The following APOLD1 variants were observed in gnomAD, a reference collection of about 807,000 sequenced individuals.
The protein encoded by APOLD1 is apolipoprotein L domain containing 1.
A neutral mutation model predicts 15.3 loss-of-function variants in APOLD1; 22 were observed. That is an observed-to-expected ratio of 1.44 (90% CI 1.03 to 2.05). The LOEUF is 2.05. APOLD1 is among the 30% of genes most tolerant of loss of function. APOLD1 has a pLI of 0.00. For synonymous variants in APOLD1, 190 were observed against 167.4 expected, an observed-to-expected ratio of 1.13 and a Z score of -1.04; for missense variants, 394 against 353.5, an observed-to-expected ratio of 1.11 and a Z score of -0.92.
intron 1 of APOLD1, 81 bp downstream of exon 1, chr12:12,785,775 G>C: frequency 7.2e-7 from 1 of 1,397,052 alleles, no homozygotes; most frequent in South Asian, 1.2e-5. Flanking sequence ...ATCCCTGGTG[G>C]GTTGGATTAT....
At chr12:12,782,909 A>C (rs1321070900), upstream of APOLD1, among the ~76,000 whole-genome samples, 1 of 152,160 alleles carries the variant, frequency 6.6e-6, no homozygotes, top group African/African-American at 2.4e-5. Context: ...TACTATATGA[A>C]ATTAAACAAA....
At chr12:12,738,697 CTT>C (rs1165920047) in intron 1 of APOLD1, among the ~76,000 whole-genome samples, 1 of 151,998 alleles carries the variant, frequency 6.6e-6, no homozygotes, top group Non-Finnish European at 1.5e-5. Flanking sequence ...TTAATGAGTG[CTT>C]ATGAAGTATG....
At chr12:12,752,588 A>C (rs1565430382) in intron 1 of APOLD1, among the ~76,000 whole-genome samples, 1 of 152,116 alleles carries the variant, frequency 6.6e-6, no homozygotes, top group African/African-American at 2.4e-5. Flanking sequence ...GTAGCTCCCA[A>C]TTTCTATAAG....
intron 1 of APOLD1, among the ~76,000 whole-genome samples, chr12:12,728,749 ACT>A (rs900912609): frequency 1.3e-4 from 19 of 151,246 alleles, no homozygotes; most frequent in African/African-American, 4.4e-4. Context: ...GTTAGTTGTG[ACT>A]CTGCCAAAAA....
At chr12:12,746,331 A>G (rs1946764607) in intron 1 of APOLD1, among the ~76,000 whole-genome samples, 1 of 152,184 alleles carries the variant, frequency 6.6e-6, no homozygotes, top group Non-Finnish European at 1.5e-5. Flanking sequence ...CCCTGTCTCT[A>G]CATAAAATAC....
chr12:12,791,198 A>G lies in APOLD1; in HGVS notation c.*3546A>G, dbSNP rs1278632179. 1.3e-5 allele frequency: 2 copies of G among 152,214 alleles called. No homozygotes were observed. The highest frequency in any genetic ancestry group is 2.9e-5 in the Non-Finnish European group (2 of 68,042). 9.4% of individuals were successfully genotyped at this position (152,214 alleles called of 1,614,324 possible). ...CCCTCGGGCACCTGTCATTTCCAATATGGTAGGTGTCAAAGTCAAAAGTAT... is the reference window on the plus strand; with the variant it reads ...CCCTCGGGCACCTGTCATTTCCAATGTGGTAGGTGTCAAAGTCAAAAGTAT... On this transcript the variant is annotated 3_prime_UTR_variant, in exon 2 of 2. Coordinates refer to ENST00000356591, the MANE Select transcript of APOLD1 (RefSeq NM_030817.3).
chr12:12,754,581 T>A (rs1407181029), intron 1 of APOLD1, among the ~76,000 whole-genome samples: 1 of 151,984 alleles, frequency 6.6e-6, no homozygotes, highest in Non-Finnish European at 1.5e-5. Flanking sequence ...TCCAAGTAGC[T>A]GTGACTACCT....
intron 1 of APOLD1, among the ~76,000 whole-genome samples, chr12:12,754,875 T>TC (rs1443528861): frequency 1.0e-4 from 8 of 77,082 alleles, no homozygotes; most frequent in African/African-American, 5.6e-4. Flanking sequence ...CCTTTGTCTC[T>TC]CAAAAAAAAA....
rs941223936 is a variant in APOLD1, at chr12:12,770,192, G to C, written c.97-16717G>C. Among the ~76,000 whole-genome samples the C allele has an allele frequency of 2.0e-5, 3 of 152,098 alleles. No individual in the cohort carries two copies. In the South Asian group the frequency reaches 6.2e-4, roughly 31 times the overall value. On this transcript the variant is annotated intron_variant, in intron 1 of 1. Transcript: ENST00000326765. ...TGGGAGGCCGAGGCGGGCAGATCAC[G>C]AAGTCAGTTCAAGACCAGCCTGACA...
intron 1 of APOLD1, among the ~76,000 whole-genome samples, chr12:12,759,845 T>C (rs1946883661): frequency 6.6e-6 from 1 of 152,214 alleles, no homozygotes; most frequent in African/African-American, 2.4e-5. Context: ...TGGAGGAAGA[T>C]GCTAAATTTC....
chr12:12,735,334 AG>A (rs1232517069), intron 1 of APOLD1, among the ~76,000 whole-genome samples: 3 of 152,148 alleles, frequency 2.0e-5, no homozygotes, highest in Non-Finnish European at 4.4e-5. Context: ...AGTTTGAAAC[AG>A]GGGCCCTGAC....
chr12:12,739,105 T>A (rs1337159009), intron 1 of APOLD1, among the ~76,000 whole-genome samples: 2 of 152,106 alleles, frequency 1.3e-5, no homozygotes, highest in South Asian at 2.1e-4. Flanking sequence ...TTCTGGAGAA[T>A]CCTAAGAGAT....
At chr12:12,785,834 C>A in intron 1 of APOLD1, 140 bp downstream of exon 1, 2 of 804,866 alleles carry the variant, frequency 2.5e-6, no homozygotes, top group East Asian at 2.6e-5. Context: ...GATGAGGATT[C>A]TAGACTGGGC....
At chr12:12,758,818 ATTTCT>A (rs1426304139) in intron 1 of APOLD1, among the ~76,000 whole-genome samples, 1 of 152,068 alleles carries the variant, frequency 6.6e-6, no homozygotes, top group Non-Finnish European at 1.5e-5. Context: ...TCGGCATATG[ATTTCT>A]TTTCTTTCCT....
At chr12:12,731,353 G>T (rs1299379862) in intron 1 of APOLD1, among the ~76,000 whole-genome samples, 5 of 152,116 alleles carry the variant, frequency 3.3e-5, no homozygotes, top group Non-Finnish European at 7.4e-5. Context: ...CAGTTAAAAT[G>T]GTAAATTTTA....
intron 1 of APOLD1, among the ~76,000 whole-genome samples, chr12:12,767,049 C>T (rs896403375): frequency 1.1e-4 from 17 of 151,222 alleles, no homozygotes; most frequent in African/African-American, 4.1e-4. Context: ...AGTTCGAGAC[C>T]AGCCTAACAA....
chr12:12,790,368 T>C lies in APOLD1; in HGVS notation c.*2716T>C, dbSNP rs1009506802. The C allele has an allele frequency of 6.6e-6, 1 of 152,232 alleles. No homozygotes were observed. Among genetic ancestry groups the C allele is most frequent in the Non-Finnish European group, 1.5e-5 (1 of 68,042 alleles). The allele number at this position is 152,232 out of a possible 1,614,324, so 9.4% of individuals were successfully genotyped here. On this transcript the variant is annotated 3_prime_UTR_variant, in exon 2 of 2. Coordinates refer to ENST00000356591, the MANE Select transcript of APOLD1 (RefSeq NM_030817.3). ...GAATTGTTTTGTTTCACAATCATTT[T>C]AAATCATTTTAGAATGTACTTCACA...
intron 1 of APOLD1, among the ~76,000 whole-genome samples, chr12:12,761,240 G>T (rs1946896348): frequency 6.6e-6 from 1 of 152,172 alleles, no homozygotes; most frequent in African/African-American, 2.4e-5. Flanking sequence ...AAATAAAGCT[G>T]ATTGAAGGAT....
At chr12:12,732,835 C>T (rs1340863963) in intron 1 of APOLD1, among the ~76,000 whole-genome samples, 1 of 151,096 alleles carries the variant, frequency 6.6e-6, no homozygotes, top group Non-Finnish European at 1.5e-5. Flanking sequence ...ATATATTTAT[C>T]AAAGTAATCA....
Sources: gnomAD v4.1 joint callset for allele counts (sites outside exome capture counted in the v4.1 genomes callset) on GRCh38, gnomAD v4.1.1 for gene constraint, MANE v1.5 for transcripts, NCBI Gene and HGNC (gene_info 2026-07-23, HGNC 2026-07-21) for gene names.